The following MAP3K7 variants were observed in gnomAD, a reference collection of about 807,000 sequenced individuals.
MAP3K7 encodes mitogen-activated protein kinase kinase kinase 7, also known as TGF-beta activated kinase 1.
MAP3K7 carries 21 observed loss-of-function variants against 84.8 expected under a neutral mutation model. The ratio of observed to expected loss-of-function variants is 0.25; its 90% confidence interval spans 0.18 to 0.36. MAP3K7 has a LOEUF of 0.36. Among genes scored for constraint, MAP3K7 ranks in the 10% least tolerant of loss-of-function variants. The pLI is 1.00. For missense variants in MAP3K7, 503 were observed against 747.7 expected (o/e 0.67, Z 3.82); for synonymous variants, 241 against 247.7 (o/e 0.97, Z 0.25).
At chr6:90,567,765 T>C (rs1348210653) in intron 3 of MAP3K7, among the ~76,000 whole-genome samples, 1 of 152,214 alleles carries the variant, frequency 6.6e-6, no homozygotes, top group Non-Finnish European at 1.5e-5. Context: ...CATGGACACG[T>C]ATGTTTACTG....
chr6:90,539,876 T>C (rs1323977798), intron 12 of MAP3K7, among the ~76,000 whole-genome samples: 1 of 151,888 alleles, frequency 6.6e-6, no homozygotes, highest in Non-Finnish European at 1.5e-5. Flanking sequence ...GTTAAAATGT[T>C]TGGGCCTCTC....
chr6:90,570,487 A>G lies in MAP3K7; in HGVS notation c.231+1210T>C, dbSNP rs1776865736. 2.6e-5 allele frequency among the ~76,000 whole-genome samples: 4 copies of G among 152,166 alleles called. No individual in the cohort carries two copies. In the South Asian group the frequency reaches 8.3e-4, roughly 32 times the overall value. On this transcript the variant is annotated intron_variant, in intron 2 of 16. Transcript: ENST00000369329. ...AATGACTATCTCTTATCATCCCAGC[A>G]GAAGACTAGAGGTTGATTCTTTAGA...
In MAP3K7 at chr6:90,553,548, C is replaced by T. The variant is rs775953358; in HGVS notation, c.646G>A (p.Gly216Ser). The change falls in exon 7 of 17, where the codon GGT becomes AGT. Residue 216 changes from glycine (G) to serine (S), a missense_variant. By Grantham distance (56) the Gly-to-Ser change is moderately conservative. Transcript: ENST00000369329. ...GTTATCACTTCCCAAAGAATAATACCCCAGCTGAAGACGTCACATTTTTCA... is the reference window on the plus strand; with the variant it reads ...GTTATCACTTCCCAAAGAATAATACTCCAGCTGAAGACGTCACATTTTTCA... The part of the protein sequence containing the change: ...YSEKCDVFSW[G>S]IILWEVITRR... The T allele has an allele frequency of 6.8e-6, 11 of 1,613,384 alleles. No individual in the cohort carries two copies. The Admixed American group carries it at 1.8e-4, about 27-fold the overall frequency.
chr6:90,535,429 C>A (rs566573019), intron 13 of MAP3K7, among the ~76,000 whole-genome samples: 26 of 151,786 alleles, frequency 1.7e-4, no homozygotes, highest in Admixed American at 3.3e-4. Flanking sequence ...TTACTTAATA[C>A]TTAATAATTT....
At chr6:90,522,023 T>C (rs895063655) in intron 14 of MAP3K7, among the ~76,000 whole-genome samples, 3 of 152,174 alleles carry the variant, frequency 2.0e-5, no homozygotes, top group African/African-American at 4.8e-5. Context: ...ATTAGCTTGG[T>C]TATCAATATT....
intron 13 of MAP3K7, among the ~76,000 whole-genome samples, chr6:90,533,324 A>G (rs1384816856): frequency 6.6e-6 from 1 of 152,210 alleles, no homozygotes; most frequent in Non-Finnish European, 1.5e-5. Context: ...CCAATAGTGG[A>G]AAGAGTTGGG....
At chr6:90,563,252 C>G (rs910208327) in intron 3 of MAP3K7, among the ~76,000 whole-genome samples, 2 of 152,118 alleles carry the variant, frequency 1.3e-5, no homozygotes, top group African/African-American at 2.4e-5. Flanking sequence ...AGGCTTCAGA[C>G]AATCGGTAAT....
At chr6:90,563,286 A>C (rs758130416) in intron 3 of MAP3K7, among the ~76,000 whole-genome samples, 16 of 152,206 alleles carry the variant, frequency 1.1e-4, no homozygotes, top group Non-Finnish European at 1.8e-4. Flanking sequence ...AAGCGAAAGG[A>C]GGATGTTTGA....
chr6:90,543,800 T>C lies in MAP3K7; in HGVS notation c.1291+752A>G, dbSNP rs891485608. On this transcript the variant is annotated intron_variant, in intron 12 of 16. Coordinates refer to ENST00000369329, the MANE Select transcript of MAP3K7 (RefSeq NM_145331.3). ...ATTTTGATAATACATTAATCAATAC[T>C]GAAGGTCAATATGCCATTTAAGTTT... 1.6e-4 allele frequency among the ~76,000 whole-genome samples: 24 copies of C among 152,222 alleles called. 1 individual carries two copies. Among genetic ancestry groups the C allele is most frequent in the Admixed American group, 1.4e-3 (22 of 15,268 alleles).
chr6:90,527,409 CA>C (rs1346821117), intron 13 of MAP3K7, among the ~76,000 whole-genome samples: 1 of 151,748 alleles, frequency 6.6e-6, no homozygotes, highest in African/African-American at 2.4e-5. Flanking sequence ...ACCACATGCT[CA>C]CGGCACCATG....
intron 1 of MAP3K7, among the ~76,000 whole-genome samples, chr6:90,581,999 G>A (rs1227574186): frequency 1.3e-5 from 2 of 152,174 alleles, no homozygotes; most frequent in Non-Finnish European, 2.9e-5. Context: ...AAATGCTGCA[G>A]TAATTTTATG....
chr6:90,571,881 T>A, intron 1 of MAP3K7, 74 bp from the exon 2 acceptor site: 4 of 661,390 alleles, frequency 6.0e-6, no homozygotes, highest in African/African-American at 2.0e-5. Flanking sequence ...CAGCCCAATA[T>A]AAAAAACTAA....
At chr6:90,585,622 T>TTTTTTTTTTTTTTTTTTTTTTTTGAGA (rs1562116557) in intron 1 of MAP3K7, among the ~76,000 whole-genome samples, 5 of 152,256 alleles carry the variant, frequency 3.3e-5, no homozygotes, top group African/African-American at 9.6e-5. Context: ...TTTTTACTTT[T>TTTTTTTTTTTTTTTTTTTTTTTTGAGA]CTAAATTTTA....
chr6:90,560,754 A>C (rs1776486081), intron 4 of MAP3K7, among the ~76,000 whole-genome samples: 1 of 152,230 alleles, frequency 6.6e-6, no homozygotes, highest in African/African-American at 2.4e-5. Flanking sequence ...ACATCTATTA[A>C]ATGTTATTCC....
rs1774929768 is a variant in MAP3K7 at position 90,515,526 on chromosome 6, C to G, written c.*975G>C. 6.7e-6 allele frequency: 1 copy of G among 149,448 alleles called. No homozygotes were observed. The highest frequency in any genetic ancestry group is 2.5e-5 in the African/African-American group (1 of 40,426). The allele number at this position is 149,448 out of a possible 1,614,324, so 9.3% of individuals were successfully genotyped here. On this transcript the variant is annotated 3_prime_UTR_variant, in exon 17 of 17. Coordinates refer to ENST00000369329, the MANE Select transcript of MAP3K7 (RefSeq NM_145331.3). ...GCTTCTTTAACTTCCTTCTGATTTG[C>G]CTGGTTTATTTCTCATTTGGTATCA...
intron 1 of MAP3K7, among the ~76,000 whole-genome samples, chr6:90,585,250 C>CT (rs1777406725): frequency 6.6e-6 from 1 of 152,152 alleles, no homozygotes; most frequent in Non-Finnish European, 1.5e-5. Context: ...AAAGACCTTG[C>CT]TCTTTCCACC....
At chr6:90,577,750 T>C (rs77104581) in intron 1 of MAP3K7, among the ~76,000 whole-genome samples, 1 of 152,352 alleles carries the variant, frequency 6.6e-6, no homozygotes, top group East Asian at 1.9e-4. Flanking sequence ...GGATATTTAT[T>C]AGAAATATAA....
intron 13 of MAP3K7, 70 bp downstream of exon 13, chr6:90,536,267 G>A: frequency 7.8e-7 from 1 of 1,282,148 alleles, no homozygotes; most frequent in East Asian, 2.3e-5. Flanking sequence ...ATTTTGCAGA[G>A]TAGAATACAG....
chr6:90,550,393 C>T (rs1776141861), intron 9 of MAP3K7, 75 bp downstream of exon 9: 1 of 972,970 alleles, frequency 1.0e-6, no homozygotes, highest in Admixed American at 2.3e-5. Flanking sequence ...TTATTCATTA[C>T]TTCTTGATTA....
Sources: allele counts gnomAD v4.1 joint callset (sites outside exome capture counted in the v4.1 genomes callset), GRCh38; gene constraint gnomAD v4.1.1; transcripts MANE v1.5; gene names NCBI Gene and HGNC (gene_info 2026-07-23, HGNC 2026-07-21).